CBLC: variants seen among roughly 807,000 people sequenced by gnomAD.
CBLC encodes E3 ubiquitin-protein ligase CBL-C.
A neutral mutation model predicts 58.6 loss-of-function variants in CBLC; 46 were observed. The observed-to-expected ratio is 0.79, with a 90% CI of 0.62 to 1.00. The LOEUF (loss-of-function observed/expected upper bound fraction) is 1.00. Ranked by LOEUF, CBLC falls within the 50% of genes least tolerant of loss-of-function variation. The probability of loss-of-function intolerance (pLI) is 0.00; values close to 1 mark genes in which losing one functional copy is unlikely to be tolerated. For synonymous variants in CBLC, 271 were observed against 264.2 expected (o/e 1.03, Z -0.25); for missense variants, 655 against 625.8 (o/e 1.05, Z -0.50).
intron 5 of CBLC, among the ~76,000 whole-genome samples, chr19:44,786,718 A>G (rs775697895): frequency 2.6e-5 from 4 of 152,250 alleles, no homozygotes; most frequent in Non-Finnish European, 5.9e-5. Context: ...AGCTTATACA[A>G]CACACACGTT....
intron 9 of CBLC, among the ~76,000 whole-genome samples, chr19:44,796,129 C>T (rs896588122): frequency 4.6e-5 from 7 of 152,150 alleles, no homozygotes; most frequent in East Asian, 2.0e-4. Context: ...GCAGGAGAAT[C>T]GCTTGAACCC....
chr19:44,788,280 C>T, intron 5 of CBLC, among the ~76,000 whole-genome samples: 1 of 151,526 alleles, frequency 6.6e-6, no homozygotes, highest in East Asian at 2.0e-4. Context: ...CCACCATGCC[C>T]AGCTAATTTT....
At chr19:44,787,837 T>G (rs1599865652) in intron 5 of CBLC, among the ~76,000 whole-genome samples, 1 of 150,840 alleles carries the variant, frequency 6.6e-6, no homozygotes, top group Non-Finnish European at 1.5e-5. Context: ...AAAAAAAAAT[T>G]TATTCGCCAA....
At position 44,792,484 on chromosome 19, in the gene CBLC, G is replaced by C. The variant is rs771700766; in HGVS notation, c.1107G>C (p.Leu369=). ...KDVKIEPCGH[L]LCSCCLAAWQ... ...TGAAGATTGAGCCGTGCGGGCACCT[G>C]CTCTGCAGCTGCTGCCTGGCTGCCT... Residue 369 remains leucine, a synonymous_variant, in exon 7 of 11, where the codon CTG becomes CTC. Transcript: ENST00000647358. 6.2e-7 allele frequency: 1 copy of C among 1,607,876 alleles called. No individual in the cohort carries two copies. The highest frequency in any genetic ancestry group is 1.1e-5 in the South Asian group (1 of 90,614).
At chr19:44,782,269 G>T in intron 3 of CBLC, 101 bp from the exon 4 acceptor site, 1 of 1,529,274 alleles carries the variant, frequency 6.5e-7, no homozygotes, top group South Asian at 1.2e-5. Flanking sequence ...GGCCCACCAT[G>T]GGTGTGAAGG....
intron 9 of CBLC, among the ~76,000 whole-genome samples, chr19:44,800,149 C>G (rs1968263356): frequency 6.6e-6 from 1 of 152,230 alleles, no homozygotes; most frequent in Admixed American, 6.5e-5. Context: ...TGCAGCCTAG[C>G]AGAGACATTT....
intron 9 of CBLC, among the ~76,000 whole-genome samples, chr19:44,799,700 GAGAGAA>G (rs1199567949): frequency 6.7e-6 from 1 of 150,284 alleles, no homozygotes; most frequent in African/African-American, 2.5e-5. Context: ...AAGAAAGAGA[GAGAGAA>G]AGAAAGGGAG....
At chr19:44,787,956 AAAAAAAG>A (rs1967953149) in intron 5 of CBLC, among the ~76,000 whole-genome samples, 1 of 151,564 alleles carries the variant, frequency 6.6e-6, no homozygotes, top group East Asian at 1.9e-4. Flanking sequence ...CAATAAAGAG[AAAAAAAG>A]AAAAAAAAAA....
At position 44,800,341 on chromosome 19, in the gene CBLC, G is replaced by A. The variant is rs774463936; in HGVS notation, c.1363-40G>A. ...AGAGGGGCAGAGGGAAAGATTGGATGCCGGGAATCAACCGCCCTCTCAAAA... is the reference window on the plus strand; with the variant it reads ...AGAGGGGCAGAGGGAAAGATTGGATACCGGGAATCAACCGCCCTCTCAAAA... On this transcript the variant is annotated intron_variant, in intron 9 of 10. Coordinates refer to ENST00000647358, the MANE Select transcript of CBLC (RefSeq NM_012116.4). 7.9e-6 allele frequency: 11 copies of A among 1,390,594 alleles called. No individual in the cohort carries two copies. The African/African-American group carries it at 1.1e-4, about 14-fold the overall frequency. The allele number at this position is 1,390,594 out of a possible 1,614,324, so 86.1% of individuals were successfully genotyped here.
chr19:44,783,036 T>C (rs1274207307), intron 4 of CBLC, among the ~76,000 whole-genome samples: 3 of 151,980 alleles, frequency 2.0e-5, no homozygotes, highest in Non-Finnish European at 4.4e-5. Context: ...ACTTCAAACT[T>C]ATTTAAGGGA....
intron 7 of CBLC, 38 bp from the exon 8 acceptor site, chr19:44,793,435 CA>C: frequency 6.4e-7 from 1 of 1,551,518 alleles, no homozygotes; most frequent in Non-Finnish European, 8.7e-7. Context: ...GGATGGAGAG[CA>C]GGGGAGCACT....
At position 44,778,034 on chromosome 19, in the gene CBLC, C is replaced by G; in HGVS notation, c.103C>G (p.Pro35Ala). ...LQRLEEQCVD[P>A]RLSVSPPSLR... ...GCGCCTAGAAGAGCAATGCGTCGACCCCCGGCTGTCCGTGAGTCCCCCTTC... is the reference window on the plus strand; with the variant it reads ...GCGCCTAGAAGAGCAATGCGTCGACGCCCGGCTGTCCGTGAGTCCCCCTTC... Residue 35 changes from proline to alanine, a missense_variant, in exon 1 of 11, where the codon CCC becomes GCC. Pro to Ala is a conservative substitution (Grantham distance 27, BLOSUM62 -1). Coordinates refer to ENST00000647358, the MANE Select transcript of CBLC (RefSeq NM_012116.4). 1 of 1,609,434 alleles carries G rather than the reference C, an allele frequency of 6.2e-7. No individual in the cohort carries two copies. The highest frequency in any genetic ancestry group is 2.2e-5 in the East Asian group (1 of 44,848).
intron 1 of CBLC, 105 bp from the exon 2 acceptor site, chr19:44,780,800 A>T: frequency 1.7e-6 from 2 of 1,186,542 alleles, no homozygotes; most frequent in Non-Finnish European, 2.4e-6. Flanking sequence ...TACACTGTTG[A>T]GATAGAGTCC....
chr19:44,790,752 A>G (rs919578064), intron 6 of CBLC, among the ~76,000 whole-genome samples: 1 of 152,166 alleles, frequency 6.6e-6, no homozygotes, highest in African/African-American at 2.4e-5. Context: ...TTTTTTTAGT[A>G]TAAATATATC....
At position 44,792,371 on chromosome 19, in the gene CBLC, C is replaced by G; in HGVS notation, c.1006-12C>G. 2 of 1,613,018 alleles carry G rather than the reference C, an allele frequency of 1.2e-6. No individual in the cohort carries two copies. Among genetic ancestry groups the G allele is most frequent in the Middle Eastern group, 3.3e-4 (2 of 6,044 alleles). On this transcript the variant is annotated splice_polypyrimidine_tract_variant and intron_variant, in intron 6 of 10. Transcript: ENST00000647358. ...TGCCCCTCGCTGTCTTCTCTATCCT[C>G]TCACCTGCCAGGAGCAGCTGCAGCT... is the stretch of plus-strand genomic sequence containing the variant.
In CBLC at chr19:44,800,594, G is replaced by C. The variant is rs931886470; in HGVS notation, c.*51G>C. 1.9e-5 allele frequency: 11 copies of C among 578,162 alleles called. No individual in the cohort carries two copies. Among genetic ancestry groups the C allele is most frequent in the Non-Finnish European group, 3.1e-5 (10 of 323,622 alleles). 35.8% of individuals were successfully genotyped at this position (578,162 alleles called of 1,614,324 possible). ...TCAAGGGAGCCCCAAGGGCTGGAAG[G>C]GGGTTGTGAAACCGAAATAAACTGC... On this transcript the variant is annotated 3_prime_UTR_variant, in exon 11 of 11. Transcript: ENST00000647358.
chr19:44,783,571 CTT>C (rs988966643), intron 4 of CBLC, among the ~76,000 whole-genome samples: 1 of 151,444 alleles, frequency 6.6e-6, no homozygotes, highest in African/African-American at 2.4e-5. Context: ...GTCCCAGCTA[CTT>C]GGGAGGTTGA....
At chr19:44,799,045 T>C (rs1011810793) in intron 9 of CBLC, among the ~76,000 whole-genome samples, 6 of 152,174 alleles carry the variant, frequency 3.9e-5, no homozygotes, top group Non-Finnish European at 5.9e-5. Context: ...TTGAAGGACA[T>C]GGAACTTGCT....
chr19:44,794,619 C>A (rs1294600517), intron 9 of CBLC, among the ~76,000 whole-genome samples: 1 of 151,646 alleles, frequency 6.6e-6, no homozygotes, highest in Non-Finnish European at 1.5e-5. Context: ...CACCCACCAC[C>A]ATGCCCCGCT....
Sources: gnomAD v4.1 joint callset for allele counts (sites outside exome capture counted in the v4.1 genomes callset) on GRCh38, gnomAD v4.1.1 for gene constraint, MANE v1.5 for transcripts, NCBI Gene and HGNC (gene_info 2026-07-23, HGNC 2026-07-21) for gene names.